Variants in LTBP1 observed in about 807,000 individuals in gnomAD.
The protein encoded by LTBP1 is latent-transforming growth factor beta-binding protein 1.
A neutral mutation model predicts 207.6 loss-of-function variants in LTBP1; 129 were observed. That is an observed-to-expected ratio of 0.62 (90% CI 0.54 to 0.72). The LOEUF is 0.72. LTBP1 is among the 30% of genes least tolerant of loss of function. LTBP1 has a pLI of 0.00. For synonymous variants in LTBP1, 963 were observed against 833.7 expected, an observed-to-expected ratio of 1.16 and a Z score of -2.67; for missense variants, 2,281 against 2,217.2, an observed-to-expected ratio of 1.03 and a Z score of -0.58.
At chr2:33,132,413 G>A (rs974145333) in intron 4 of LTBP1, among the ~76,000 whole-genome samples, 2 of 152,176 alleles carry the variant, frequency 1.3e-5, no homozygotes, top group African/African-American at 4.8e-5. Context: ...TTTAAGTAAA[G>A]TTTGATTGGA....
At chr2:33,157,259 C>G (rs924629442) in intron 5 of LTBP1, among the ~76,000 whole-genome samples, 5 of 152,166 alleles carry the variant, frequency 3.3e-5, no homozygotes, top group African/African-American at 1.2e-4. Context: ...GTGGCTAATG[C>G]ACGGATGAGG....
intron 3 of LTBP1, among the ~76,000 whole-genome samples, chr2:33,080,956 A>T (rs1052463498): frequency 6.6e-6 from 1 of 152,232 alleles, no homozygotes; most frequent in African/African-American, 2.4e-5. Flanking sequence ...AAGCGTATAG[A>T]TTTATTTAAT....
At chr2:32,960,622 C>A (rs1300449181) in intron 2 of LTBP1, among the ~76,000 whole-genome samples, 1 of 151,926 alleles carries the variant, frequency 6.6e-6, no homozygotes, top group Admixed American at 6.6e-5. Context: ...ATTTTAGATC[C>A]CCAAGTACCA....
chr2:33,184,546 C>G (rs1299507620), intron 5 of LTBP1, among the ~76,000 whole-genome samples: 1 of 152,218 alleles, frequency 6.6e-6, no homozygotes, highest in Non-Finnish European at 1.5e-5. Flanking sequence ...GCTGTGAAGT[C>G]TATTTTAACT....
chr2:33,081,312 C>A (rs995505862), intron 3 of LTBP1, among the ~76,000 whole-genome samples: 4 of 151,906 alleles, frequency 2.6e-5, no homozygotes, highest in African/African-American at 9.7e-5. Context: ...TGTCAAGGTG[C>A]CATATTTTGG....
intron 9 of LTBP1, among the ~76,000 whole-genome samples, chr2:33,230,965 T>G (rs972442627): frequency 1.3e-5 from 2 of 152,184 alleles, no homozygotes; most frequent in African/African-American, 4.8e-5. Flanking sequence ...CTTTTATAAT[T>G]CAGTGTATGT....
chr2:33,234,766 C>G (rs911694694), intron 9 of LTBP1, among the ~76,000 whole-genome samples: 3 of 152,116 alleles, frequency 2.0e-5, no homozygotes, highest in African/African-American at 2.4e-5. Context: ...ATAACCAAGA[C>G]AATCCTAAGG....
intron 3 of LTBP1, among the ~76,000 whole-genome samples, chr2:33,099,974 A>G (rs1465241774): frequency 3.3e-5 from 5 of 152,194 alleles, no homozygotes; most frequent in Non-Finnish European, 7.4e-5. Flanking sequence ...TCTTGCTTCC[A>G]TTAGGGTGCG....
At chr2:33,390,680 G>A (rs570282494) in intron 32 of LTBP1, among the ~76,000 whole-genome samples, 1 of 151,994 alleles carries the variant, frequency 6.6e-6, no homozygotes, top group Non-Finnish European at 1.5e-5. Flanking sequence ...CGTAGAGATG[G>A]GGGGTTTCAC....
chr2:33,108,419 T>C (rs2080188980), intron 3 of LTBP1, among the ~76,000 whole-genome samples: 1 of 152,182 alleles, frequency 6.6e-6, no homozygotes, highest in Non-Finnish European at 1.5e-5. Flanking sequence ...GGCTGAGGGC[T>C]GTTAACTTAA....
Position 33,004,786 on chromosome 2 carries a change from AATATATATATATAT to A in LTBP1, c.566-16107_566-16094del, listed in dbSNP as rs34777461. Among the ~76,000 whole-genome samples, 124 of 101,108 alleles carry A rather than the reference AATATATATATATAT, an allele frequency of 1.2e-3. 2 individuals carry two copies. Among genetic ancestry groups the A allele is most frequent in the African/African-American group, 3.6e-3 (102 of 28,604 alleles). 66.3% of individuals were successfully genotyped at this position (101,108 alleles called of 152,430 possible). On this transcript the variant is annotated intron_variant, in intron 2 of 33. Coordinates refer to ENST00000404816, the MANE Select transcript of LTBP1 (RefSeq NM_206943.4). ...TGAGCCTCAGTCTCAAAAAAAAAGG[AATATATATATATAT>A]ATATATATATATATAAACATAAAAT... is the stretch of plus-strand genomic sequence containing the variant.
At chr2:33,006,087 A>C (rs1282804530) in intron 2 of LTBP1, among the ~76,000 whole-genome samples, 2 of 144,912 alleles carry the variant, frequency 1.4e-5, no homozygotes, top group Non-Finnish European at 3.0e-5. Flanking sequence ...TCTAAGAAAA[A>C]ATTTAAAAAT....
intron 15 of LTBP1, among the ~76,000 whole-genome samples, chr2:33,264,247 C>A: frequency 7.7e-6 from 1 of 129,250 alleles, no homozygotes; most frequent in Admixed American, 8.4e-5. Flanking sequence ...CAGAGCGAGA[C>A]TCTGTCTCAA....
intron 5 of LTBP1, among the ~76,000 whole-genome samples, chr2:33,153,315 G>T (rs1476439703): frequency 6.6e-6 from 1 of 152,146 alleles, no homozygotes. Flanking sequence ...TATTTTCCTT[G>T]CTTGGTTTAT....
At chr2:33,073,989 A>G (rs1165175616) in intron 3 of LTBP1, among the ~76,000 whole-genome samples, 1 of 152,194 alleles carries the variant, frequency 6.6e-6, no homozygotes, top group Non-Finnish European at 1.5e-5. Context: ...TTGTAAGGTG[A>G]TATACAGGTA....
chr2:33,202,612 C>T (rs2089436156), intron 7 of LTBP1, among the ~76,000 whole-genome samples: 1 of 152,220 alleles, frequency 6.6e-6, no homozygotes, highest in South Asian at 2.1e-4. Flanking sequence ...ATTCCCTAAA[C>T]TGAGTCCATA....
intron 5 of LTBP1, among the ~76,000 whole-genome samples, chr2:33,147,883 A>T (rs1396269507): frequency 1.3e-5 from 2 of 152,228 alleles, no homozygotes; most frequent in Non-Finnish European, 2.9e-5. Context: ...ATATGTGTCA[A>T]GCCCTCCAAA....
intron 7 of LTBP1, among the ~76,000 whole-genome samples, chr2:33,208,482 G>A (rs1394571627): frequency 2.6e-5 from 4 of 152,168 alleles, no homozygotes; most frequent in Non-Finnish European, 4.4e-5. Flanking sequence ...CTGGCATGAC[G>A]TAGGGTGAGG....
At chr2:33,267,078 T>A (rs1313837860) in intron 15 of LTBP1, among the ~76,000 whole-genome samples, 1 of 152,272 alleles carries the variant, frequency 6.6e-6, no homozygotes, top group African/African-American at 2.4e-5. Context: ...CTCCAGATGC[T>A]GGTGCCTGCA....
Sources: allele counts gnomAD v4.1 joint callset (sites outside exome capture counted in the v4.1 genomes callset), GRCh38; gene constraint gnomAD v4.1.1; transcripts MANE v1.5; gene names NCBI Gene and HGNC (gene_info 2026-07-23, HGNC 2026-07-21).